Variants in HGS observed in about 807,000 individuals in gnomAD.
HGS encodes the protein human growth factor-regulated tyrosine kinase substrate.
A neutral mutation model predicts 109.7 loss-of-function variants in HGS; 63 were observed. That is an observed-to-expected ratio of 0.57 (90% CI 0.47 to 0.71). The LOEUF is 0.71. HGS is among the 30% of genes least tolerant of loss of function. The pLI, the probability that HGS is intolerant of heterozygous loss-of-function variation, is 0.00. For synonymous variants in HGS, 546 were observed against 437.3 expected (o/e 1.25, Z -3.10); for missense variants, 995 against 1,068.3 (o/e 0.93, Z 0.96).
At chr17:81,687,778 A>G (rs7208144) in intron 4 of HGS, among the ~76,000 whole-genome samples, 85,770 of 152,014 alleles carry the variant, frequency 0.56, 26,109 homozygotes, top group African/African-American at 0.8. Flanking sequence ...CTTCTGTCCC[A>G]ACCTGTGGGC....
chr17:81,696,287 G>T, intron 15 of HGS, 70 bp from the exon 16 acceptor site: 1 of 1,455,868 alleles, frequency 6.9e-7, no homozygotes, highest in Non-Finnish European at 9.1e-7. Context: ...CCATCTGCGT[G>T]TCCGTTCCAC....
rs772538676 is a variant in HGS, at chr17:81,701,947, G to A, written c.*329G>A. The A allele has an allele frequency of 3.8e-5, 9 of 234,718 alleles. No individual in the cohort carries two copies. The highest frequency in any genetic ancestry group is 1.1e-4 in the African/African-American group (5 of 44,012). 14.5% of individuals were successfully genotyped at this position (234,718 alleles called of 1,614,324 possible). On this transcript the variant is annotated 3_prime_UTR_variant, in exon 22 of 22. Transcript: ENST00000329138. ...CCCAAGCAGCCTGTGCCCTCTGGCC[G>A]CACTGTGAGCTGGCTGTGGTGTCTG...
At chr17:81,699,520 G>A (rs900123692) in intron 18 of HGS, among the ~76,000 whole-genome samples, 16 of 152,216 alleles carry the variant, frequency 1.1e-4, no homozygotes, top group Non-Finnish European at 2.1e-4. Context: ...CCGCCTCCCA[G>A]GTTCAAGCAA....
At position 81,690,001 on chromosome 17, in the gene HGS, G is replaced by A. The variant is rs1598745342; in HGVS notation, c.416-181G>A. Among the ~76,000 whole-genome samples, 3 of 152,164 alleles carry A rather than the reference G, an allele frequency of 2.0e-5. No individual in the cohort carries two copies. The East Asian group carries it at 5.8e-4, about 29-fold the overall frequency. On this transcript the variant is annotated intron_variant, in intron 5 of 21. Transcript: ENST00000329138. ...TGGCTCTTGTCTCCCGCCACAGTGAGGACAGAGGCCCCATGGGGACACCCA... is the reference window on the plus strand; with the variant it reads ...TGGCTCTTGTCTCCCGCCACAGTGAAGACAGAGGCCCCATGGGGACACCCA...
chr17:81,700,798 A>G lies in HGS; in HGVS notation c.2120A>G (p.Gln707Arg). Residue 707 changes from glutamine to arginine, a missense_variant, in exon 20 of 22, where the codon CAG becomes CGG. Gln to Arg is a conservative substitution (Grantham distance 43). Transcript: ENST00000329138. ...AGCCAGTCAGTCTCCATGGGCTACC[A>G]GCCTTACAACATGCAGGTACAGTGA... Reference protein sequence around the residue: ...MGSQSVSMGYQPYNMQNLMTT... With the variant: ...MGSQSVSMGYRPYNMQNLMTT... 6.2e-7 allele frequency: 1 copy of G among 1,612,366 alleles called. No homozygotes were observed. The highest frequency in any genetic ancestry group is 1.1e-5 in the South Asian group (1 of 90,970).
At position 81,695,923 on chromosome 17, in the gene HGS, G is replaced by A. The variant is rs777951672; in HGVS notation, c.1317G>A (p.Val439=). ...RGRSITNDSA[V]LSLFQSINGM... ...GCAGCATCACCAATGACTCGGCCGT[G>A]CTCTCACTCTTCCAGTCCATCAACG... The change falls in exon 15 of 22, where the codon GTG becomes GTA. Residue 439 remains valine (V), a synonymous_variant. Transcript: ENST00000329138. 9 of 1,603,832 alleles carry A rather than the reference G, an allele frequency of 5.6e-6. No homozygotes were observed. The highest frequency in any genetic ancestry group is 5.0e-5 in the Admixed American group (3 of 59,498).
At chr17:81,688,907 G>C (rs1032852529) in intron 5 of HGS, 80 bp downstream of exon 5, 68 of 1,568,474 alleles carry the variant, frequency 4.3e-5, no homozygotes, top group Non-Finnish European at 5.9e-5. Context: ...AGTGGCGAGG[G>C]GCCTGGGAAG....
chr17:81,684,460 C>T (rs79193599), intron 1 of HGS: 1 of 240,130 alleles, frequency 4.2e-6, no homozygotes, highest in African/African-American at 2.3e-5. Context: ...GTGACTCAGT[C>T]GGATGTTAGG....
At chr17:81,701,231 C>T (rs752973780) in intron 21 of HGS, 100 bp downstream of exon 21, 62 of 1,093,312 alleles carry the variant, frequency 5.7e-5, no homozygotes, top group Non-Finnish European at 7.1e-5. Flanking sequence ...TTGTCCCGTA[C>T]GTCTGCTCAC....
intron 14 of HGS, 75 bp from the exon 15 acceptor site, chr17:81,695,711 C>T (rs2144499853): frequency 2.2e-6 from 3 of 1,340,870 alleles, no homozygotes; most frequent in South Asian, 1.2e-5. Context: ...TAGCTGGGTG[C>T]CTCCATCCCA....
chr17:81,697,168 T>C (rs1055762868), intron 18 of HGS, 170 bp downstream of exon 18: 24 of 729,178 alleles, frequency 3.3e-5, no homozygotes, highest in Non-Finnish European at 4.9e-5. Context: ...CAGGCTTTCC[T>C]GCTGGAGCCG....
chr17:81,688,485 G>C (rs1046516841), intron 4 of HGS, among the ~76,000 whole-genome samples: 1 of 152,222 alleles, frequency 6.6e-6, no homozygotes, highest in Non-Finnish European at 1.5e-5. Flanking sequence ...GAGACGCGGC[G>C]TTGTTTGGCT....
rs577112802 is a variant in HGS, at chr17:81,685,802, T to G, written c.122+113T>G. The G allele has an allele frequency of 1.3e-5, 9 of 715,262 alleles. No homozygotes were observed. In the South Asian group the frequency reaches 1.5e-4, roughly 12 times the overall value. The allele number at this position is 715,262 out of a possible 1,614,324, so 44.3% of individuals were successfully genotyped here. A position where few individuals can be genotyped will look rare whatever the true frequency, so the allele number is the denominator to read the frequency against. On this transcript the variant is annotated intron_variant, in intron 2 of 21. Transcript: ENST00000329138. Reference sequence around the variant, plus strand: ...TAGCTGACCGTGTTAGGCTCTTATGTGGAGAACTGCATGGGCTACATGCTA... The same window carrying G: ...TAGCTGACCGTGTTAGGCTCTTATGGGGAGAACTGCATGGGCTACATGCTA...
In HGS at chr17:81,690,211, G is replaced by A; in HGVS notation, c.445G>A (p.Asp149Asn). The change falls in exon 6 of 22, where the codon GAT (aspartate) becomes AAT (asparagine). Residue 149 changes from aspartate to asparagine, a missense_variant. Physicochemically the swap from Asp to Asn is conservative, Grantham distance 23 (BLOSUM62 1). This residue lies in a region of HGS where 182 missense variants were observed against 261.3 expected (regional missense o/e 0.70). Coordinates refer to ENST00000329138, the MANE Select transcript of HGS (RefSeq NM_004712.5). Reference protein sequence around the residue: ...GHVFPEFKESDAMFAAERAPD... With the variant: ...GHVFPEFKESNAMFAAERAPD... Reference sequence around the variant, plus strand: ...CGTCTTTCCAGAATTCAAAGAGAGCGATGCCATGTTTGCTGCCGAGAGAGT... The same window carrying A: ...CGTCTTTCCAGAATTCAAAGAGAGCAATGCCATGTTTGCTGCCGAGAGAGT... 3.1e-6 allele frequency: 5 copies of A among 1,613,928 alleles called. No homozygotes were observed. Among genetic ancestry groups the A allele is most frequent in the Non-Finnish European group, 4.2e-6 (5 of 1,179,856 alleles).
chr17:81,698,635 A>T (rs1238372984), intron 18 of HGS, among the ~76,000 whole-genome samples: 2 of 152,168 alleles, frequency 1.3e-5, no homozygotes, highest in Non-Finnish European at 1.5e-5. Flanking sequence ...CTTGGTTAGA[A>T]GCCAAGATCA....
At chr17:81,686,485 C>T in intron 3 of HGS, 98 bp downstream of exon 3, 1 of 811,540 alleles carries the variant, frequency 1.2e-6, no homozygotes, top group Non-Finnish European at 2.1e-6. Flanking sequence ...TGCCCACCTC[C>T]CTGGGCATAC....
rs200982711 is a variant in HGS, at chr17:81,684,061, G to A, written c.-6G>A. ...CCGCGGCGTCGGGTTTGGGCTGGAG[G>A]TCGCCATGGGGCGAGGCAGCGGCAC... On this transcript the variant is annotated 5_prime_UTR_variant, in exon 1 of 22. Transcript: ENST00000329138. The A allele has an allele frequency of 2.4e-5, 38 of 1,594,044 alleles. 1 individual carries two copies. The African/African-American group carries it at 2.4e-4, about 10-fold the overall frequency.
At chr17:81,696,064 C>T in intron 15 of HGS, 65 bp downstream of exon 15, 2 of 1,370,608 alleles carry the variant, frequency 1.5e-6, no homozygotes, top group Non-Finnish European at 2.0e-6. Flanking sequence ...CCATCCTGGG[C>T]CAGGGCCTCC....
chr17:81,690,469 C>T lies in HGS; in HGVS notation c.469-205C>T, dbSNP rs527328378. 45 of 630,388 alleles carry T rather than the reference C, an allele frequency of 7.1e-5. No homozygotes were observed. In the East Asian group the frequency reaches 1.2e-3, roughly 17 times the overall value. 39.0% of individuals were successfully genotyped at this position (630,388 alleles called of 1,614,324 possible). A position where few individuals can be genotyped will look rare whatever the true frequency, so the allele number is the denominator to read the frequency against. On this transcript the variant is annotated intron_variant, in intron 6 of 21. Transcript: ENST00000329138. Reference sequence around the variant, plus strand: ...GGGGCTCGGGAAAGGAAAACAAGCACCTTTGATGAGGAAGGAAGTCCCTTC... The same window carrying T: ...GGGGCTCGGGAAAGGAAAACAAGCATCTTTGATGAGGAAGGAAGTCCCTTC...
Sources: gnomAD v4.1 joint callset for allele counts (sites outside exome capture counted in the v4.1 genomes callset) on GRCh38, gnomAD v4.1.1 for gene constraint, gnomAD v4.1.1 regional missense constraint, MANE v1.5 for transcripts, NCBI Gene and HGNC (gene_info 2026-07-23, HGNC 2026-07-21) for gene names.